Variants in CFTR observed in about 807,000 individuals in gnomAD.
CFTR encodes cystic fibrosis transmembrane conductance regulator.
A neutral mutation model predicts 171.6 loss-of-function variants in CFTR; 181 were observed. That is an observed-to-expected ratio of 1.05 (90% confidence interval 0.93 to 1.19). The LOEUF is 1.19. Ranked by LOEUF, CFTR falls within the 50% of genes most tolerant of loss-of-function variation. CFTR has a pLI of 0.00. For missense variants in CFTR, 1,968 were observed against 1,734.7 expected (o/e 1.13, Z -2.39); for synonymous variants, 583 against 608.0 (o/e 0.96, Z 0.60).
At chr7:117,664,922 C>T in intron 25 of CFTR, 62 bp downstream of exon 25, 1 of 1,518,226 alleles carries the variant, frequency 6.6e-7, no homozygotes, top group Non-Finnish European at 9.1e-7. Flanking sequence ...ATGCCTGCTT[C>T]ATGGTGACAC....
intron 1 of CFTR, among the ~76,000 whole-genome samples, chr7:117,502,203 A>T (rs140433304): frequency 1.1e-3 from 174 of 152,312 alleles, no homozygotes; most frequent in African/African-American, 4.1e-3. Context: ...AGCATACCAA[A>T]TTTTCTTAAA....
At chr7:117,533,918 G>C (rs1220291866) in intron 4 of CFTR, among the ~76,000 whole-genome samples, 1 of 151,978 alleles carries the variant, frequency 6.6e-6, no homozygotes, top group Non-Finnish European at 1.5e-5. Context: ...CAAGGCCAAG[G>C]CTTAATTTCA....
At chr7:117,539,983 G>A in intron 7 of CFTR, 117 bp from the exon 8 acceptor site, 2 of 846,012 alleles carry the variant, frequency 2.4e-6, no homozygotes, top group South Asian at 1.5e-5. Flanking sequence ...TGTGGAGCCA[G>A]GTTAAAAATA....
At chr7:117,504,688 A>G (rs1352824959) in intron 2 of CFTR, among the ~76,000 whole-genome samples, 2 of 148,950 alleles carry the variant, frequency 1.3e-5, no homozygotes, top group African/African-American at 5.0e-5. Context: ...CAGGAGTTTG[A>G]GGTTGCAGTG....
intron 11 of CFTR, among the ~76,000 whole-genome samples, chr7:117,580,940 A>G (rs896682271): frequency 6.6e-6 from 1 of 152,104 alleles, no homozygotes; most frequent in African/African-American, 2.4e-5. Flanking sequence ...AACATATTCT[A>G]GTGGAAATTT....
At position 117,489,863 on chromosome 7, in the gene CFTR, C is replaced by A. The variant is rs1018547258; in HGVS notation, c.53+9716C>A. On this transcript the variant is annotated intron_variant, in intron 1 of 26. Transcript: ENST00000003084. ...ATAATATTTTAAAATACATACATTTCAAATCAGAAGTTGGTGAATTCACTG... is the reference window on the plus strand; with the variant it reads ...ATAATATTTTAAAATACATACATTTAAAATCAGAAGTTGGTGAATTCACTG... 2.0e-5 allele frequency among the ~76,000 whole-genome samples: 3 copies of A among 152,010 alleles called. No homozygotes were observed. The South Asian group carries it at 6.2e-4, about 32-fold the overall frequency.
chr7:117,498,225 C>T (rs915657460), intron 1 of CFTR, among the ~76,000 whole-genome samples: 1 of 152,034 alleles, frequency 6.6e-6, no homozygotes, highest in East Asian at 1.9e-4. Flanking sequence ...GTTTACCTAC[C>T]TAGAGAAAGA....
chr7:117,589,937 G>A (rs1014349699), intron 12 of CFTR, among the ~76,000 whole-genome samples: 2 of 151,926 alleles, frequency 1.3e-5, no homozygotes, highest in African/African-American at 2.4e-5. Flanking sequence ...TATAATTTTT[G>A]CCATTGTATT....
intron 11 of CFTR, among the ~76,000 whole-genome samples, chr7:117,584,921 T>A (rs1360365446): frequency 3.8e-5 from 2 of 52,152 alleles, no homozygotes; most frequent in African/African-American, 4.2e-4. Flanking sequence ...ATTTTAGTTT[T>A]TTTTTTTTGT....
intron 1 of CFTR, among the ~76,000 whole-genome samples, chr7:117,486,519 T>C (rs180677286): frequency 9.8e-4 from 149 of 152,030 alleles, no homozygotes; most frequent in African/African-American, 3.5e-3. Flanking sequence ...CTAAAGGAGG[T>C]TATTCAATTA....
chr7:117,511,643 T>C (rs1022053480), intron 3 of CFTR, among the ~76,000 whole-genome samples: 1 of 152,154 alleles, frequency 6.6e-6, no homozygotes, highest in Non-Finnish European at 1.5e-5. Flanking sequence ...AATATTTATA[T>C]TGGGAATGGC....
intron 22 of CFTR, among the ~76,000 whole-genome samples, chr7:117,635,897 A>G (rs904008335): frequency 5.3e-5 from 8 of 152,132 alleles, no homozygotes; most frequent in African/African-American, 1.7e-4. Context: ...AATTAAGAGT[A>G]AGAAAAATAG....
intron 1 of CFTR, among the ~76,000 whole-genome samples, chr7:117,503,955 G>C (rs946077501): frequency 2.0e-5 from 3 of 152,112 alleles, no homozygotes; most frequent in African/African-American, 7.2e-5. Context: ...ATTTTTTAAA[G>C]AATAATTTAA....
chr7:117,619,485 A>G (rs1792539978), intron 21 of CFTR, among the ~76,000 whole-genome samples: 1 of 152,166 alleles, frequency 6.6e-6, no homozygotes, highest in Non-Finnish European at 1.5e-5. Context: ...AGCACAACTA[A>G]AAGACTACTT....
intron 2 of CFTR, among the ~76,000 whole-genome samples, chr7:117,506,436 G>A (rs186885122): frequency 1.1e-3 from 174 of 152,240 alleles, no homozygotes; most frequent in African/African-American, 3.7e-3. Context: ...AGTAGATGTG[G>A]AGTTTCGCCA....
chr7:117,575,688 C>T (rs1791759682), intron 11 of CFTR, among the ~76,000 whole-genome samples: 1 of 152,098 alleles, frequency 6.6e-6, no homozygotes, highest in African/African-American at 2.4e-5. Context: ...CATCTTCCAT[C>T]CAGCCTTCTA....
intron 11 of CFTR, among the ~76,000 whole-genome samples, chr7:117,570,871 C>A (rs1791677680): frequency 6.6e-6 from 1 of 152,114 alleles, no homozygotes; most frequent in African/African-American, 2.4e-5. Flanking sequence ...AATTCTATGA[C>A]ATAATTTTGA....
At chr7:117,604,086 G>C (rs985030810) in intron 17 of CFTR, among the ~76,000 whole-genome samples, 2 of 152,118 alleles carry the variant, frequency 1.3e-5, no homozygotes, top group Non-Finnish European at 2.9e-5. Flanking sequence ...ATTTGGTCTA[G>C]CTCTCTTCTG....
chr7:117,581,440 A>G (rs756098577), intron 11 of CFTR, among the ~76,000 whole-genome samples: 1 of 152,166 alleles, frequency 6.6e-6, no homozygotes, highest in Non-Finnish European at 1.5e-5. Flanking sequence ...TAAACACTCT[A>G]TTCAAGGATA....
Sources: gnomAD v4.1 joint callset for allele counts (sites outside exome capture counted in the v4.1 genomes callset) on GRCh38, gnomAD v4.1.1 for gene constraint, MANE v1.5 for transcripts, NCBI Gene and HGNC (gene_info 2026-07-23, HGNC 2026-07-21) for gene names.